The following DNAH6 variants were observed in gnomAD, a reference collection of about 807,000 sequenced individuals.
The protein encoded by DNAH6 is dynein axonemal heavy chain 6.
In DNAH6, 340 loss-of-function variants were observed where a neutral mutation model predicts 491.4. The observed-to-expected ratio is 0.69, with a 90% confidence interval of 0.63 to 0.76. The LOEUF (loss-of-function observed/expected upper bound fraction) is 0.76, where lower values mean the gene tolerates loss of function less well. Ranked by LOEUF, DNAH6 falls within the 30% of genes least tolerant of loss-of-function variation. The probability of loss-of-function intolerance (pLI) is 0.00; values close to 1 mark genes in which losing one functional copy is unlikely to be tolerated. For missense variants in DNAH6, 4,443 were observed against 4,972.2 expected (o/e 0.89, Z 3.20); for synonymous variants, 1,603 against 1,686.1 (o/e 0.95, Z 1.21).
intron 18 of DNAH6, among the ~76,000 whole-genome samples, chr2:84,604,118 A>G (rs941803429): frequency 3.9e-5 from 6 of 152,180 alleles, no homozygotes; most frequent in African/African-American, 1.4e-4. Flanking sequence ...TGTCGGTATC[A>G]ATCTCTCTCC....
chr2:84,623,963 G>A (rs541937389), intron 26 of DNAH6, among the ~76,000 whole-genome samples: 19 of 152,224 alleles, frequency 1.2e-4, no homozygotes, highest in South Asian at 6.2e-4. Flanking sequence ...GGCTTTCCTC[G>A]AGGCAAATGT....
intron 37 of DNAH6, among the ~76,000 whole-genome samples, chr2:84,661,323 A>C (rs540740746): frequency 6.6e-5 from 10 of 152,148 alleles, no homozygotes; most frequent in Non-Finnish European, 1.5e-4. Flanking sequence ...ACTATATTGG[A>C]GAGTCTAGCC....
At chr2:84,523,843 TG>T (rs1170827096) in intron 2 of DNAH6, among the ~76,000 whole-genome samples, 4 of 152,138 alleles carry the variant, frequency 2.6e-5, no homozygotes, top group Non-Finnish European at 5.9e-5. Context: ...TCAGTTCTTT[TG>T]CATTTACTGA....
chr2:84,752,354 A>G (rs1673546836), intron 63 of DNAH6, among the ~76,000 whole-genome samples: 1 of 152,236 alleles, frequency 6.6e-6, no homozygotes, highest in African/African-American at 2.4e-5. Flanking sequence ...AAAGATCTCT[A>G]TATCATACAG....
intron 60 of DNAH6, among the ~76,000 whole-genome samples, chr2:84,723,711 C>G (rs892257944): frequency 6.6e-6 from 1 of 152,172 alleles, no homozygotes; most frequent in Non-Finnish European, 1.5e-5. Flanking sequence ...TGTTTCTGTC[C>G]CACTTTCACC....
At chr2:84,638,792 T>C (rs1159379067) in intron 31 of DNAH6, among the ~76,000 whole-genome samples, 1 of 152,246 alleles carries the variant, frequency 6.6e-6, no homozygotes, top group Non-Finnish European at 1.5e-5. Context: ...GGAAGTGTGG[T>C]GCTAGCATCT....
chr2:84,699,016 G>A (rs55645944), intron 47 of DNAH6, among the ~76,000 whole-genome samples: 27,448 of 151,938 alleles, frequency 0.18, 2,687 homozygotes, highest in African/African-American at 0.24. Context: ...AATAGACAAC[G>A]CAGAATAAAA....
At chr2:84,749,984 C>A (rs903684669) in intron 63 of DNAH6, among the ~76,000 whole-genome samples, 2 of 152,136 alleles carry the variant, frequency 1.3e-5, no homozygotes, top group East Asian at 3.9e-4. Context: ...TTATTTAGAT[C>A]CTAACTTAAC....
At chr2:84,680,963 A>G (rs1382353942) in intron 41 of DNAH6, among the ~76,000 whole-genome samples, 1 of 152,188 alleles carries the variant, frequency 6.6e-6, no homozygotes, top group East Asian at 1.9e-4. Flanking sequence ...CATTTAAAAT[A>G]TACATGAAGA....
chr2:84,495,639 G>A, the DNAH6 span, among the ~76,000 whole-genome samples: 1 of 152,112 alleles, frequency 6.6e-6, no homozygotes, highest in South Asian at 2.1e-4. Context: ...TAACTAATGG[G>A]GCATTAGACC....
chr2:84,605,352 CAAAA>C (rs5832617), intron 19 of DNAH6, 144 bp from the exon 20 acceptor site: 3,775 of 333,358 alleles, frequency 0.011, no homozygotes, highest in South Asian at 0.015. Flanking sequence ...GACTCTATCT[CAAAA>C]AAAAAAAAAA....
chr2:84,756,899 A>G (rs1674080428), intron 63 of DNAH6, among the ~76,000 whole-genome samples: 1 of 152,224 alleles, frequency 6.6e-6, no homozygotes, highest in African/African-American at 2.4e-5. Flanking sequence ...AGAGGGTTTT[A>G]AGCAAAACAT....
intron 61 of DNAH6, among the ~76,000 whole-genome samples, chr2:84,729,047 G>A (rs558798487): frequency 2.6e-5 from 4 of 151,986 alleles, no homozygotes; most frequent in Non-Finnish European, 5.9e-5. Context: ...CATGTTCCCA[G>A]AAAAAGCCGA....
intron 39 of DNAH6, 126 bp downstream of exon 39, chr2:84,670,601 T>G: frequency 1.4e-6 from 1 of 730,182 alleles, no homozygotes; most frequent in South Asian, 2.0e-5. Flanking sequence ...TAAAGGTGAT[T>G]CTGTTCATGG....
At position 84,520,985 on chromosome 2, in the gene DNAH6, C is replaced by G. The variant is rs1042403149; in HGVS notation, c.225+2934C>G. 7.9e-5 allele frequency among the ~76,000 whole-genome samples: 12 copies of G among 151,990 alleles called. 1 individual carries two copies. Among genetic ancestry groups the G allele is most frequent in the African/African-American group, 2.9e-4 (12 of 41,402 alleles). On this transcript the variant is annotated intron_variant, in intron 2 of 76. Transcript: ENST00000389394. Reference sequence around the variant, plus strand: ...TGCTTTTAGCTATTTGGGGAGTCACCATGCTACTTTCCACAATGGTTGTTA... The same window carrying G: ...TGCTTTTAGCTATTTGGGGAGTCACGATGCTACTTTCCACAATGGTTGTTA...
Position 84,686,116 on chromosome 2 carries a change from A to C in DNAH6, c.7064-368A>C, listed in dbSNP as rs1478962991. Among the ~76,000 whole-genome samples, 5 of 151,586 alleles carry C rather than the reference A, an allele frequency of 3.3e-5. No homozygotes were observed. The East Asian group carries it at 9.8e-4, about 30-fold the overall frequency. On this transcript the variant is annotated intron_variant, in intron 43 of 76. Coordinates refer to ENST00000389394, the MANE Select transcript of DNAH6 (RefSeq NM_001370.2). ...GGCAAGAGAATCATGTGAACCCAGG[A>C]GGCGGAGGTTGCGGTGAGCCGAGAT...
the DNAH6 span, among the ~76,000 whole-genome samples, chr2:84,477,444 G>A: frequency 8.5e-5 from 13 of 152,158 alleles, no homozygotes; most frequent in South Asian, 2.1e-4. Context: ...TTAAGATGGC[G>A]TTTCTCTGGT....
intron 62 of DNAH6, among the ~76,000 whole-genome samples, chr2:84,741,681 T>C (rs1672539340): frequency 6.6e-6 from 1 of 152,072 alleles, no homozygotes; most frequent in Non-Finnish European, 1.5e-5. Flanking sequence ...CGTTCTCCCC[T>C]CTCCCTCCCT....
chr2:84,670,261 A>T, intron 38 of DNAH6, 67 bp from the exon 39 acceptor site: 2 of 1,142,316 alleles, frequency 1.8e-6, no homozygotes, highest in Non-Finnish European at 2.5e-6. Flanking sequence ...CATTGTGCCA[A>T]ACTATTACAG....
Sources: allele counts gnomAD v4.1 joint callset (sites outside exome capture counted in the v4.1 genomes callset), GRCh38; gene constraint gnomAD v4.1.1; transcripts MANE v1.5; gene names NCBI Gene and HGNC (gene_info 2026-07-23, HGNC 2026-07-21).